Variants in PDE7B observed in about 807,000 individuals in gnomAD.
PDE7B encodes the protein phosphodiesterase 7B, also known as 3',5'-cyclic-AMP phosphodiesterase 7B.
In PDE7B, 29 loss-of-function variants were observed where a neutral mutation model predicts 56.2. The ratio of observed to expected loss-of-function variants is 0.52; its 90% confidence interval spans 0.38 to 0.70. The LOEUF is 0.70. Ranked by LOEUF, PDE7B falls within the 30% of genes least tolerant of loss-of-function variation. The pLI is 0.00. For synonymous variants in PDE7B, 197 were observed against 196.9 expected, an observed-to-expected ratio of 1.00 and a Z score of 0.00; for missense variants, 490 against 565.0, an observed-to-expected ratio of 0.87 and a Z score of 1.35.
In PDE7B at chr6:136,134,402, A is replaced by G. The variant is rs77144561; in HGVS notation, c.167-12949A>G. On this transcript the variant is annotated intron_variant, in intron 3 of 12. Coordinates refer to ENST00000308191, the MANE Select transcript of PDE7B (RefSeq NM_018945.4). ...ATCAACTCAAAGTTTGGTCACTTCA[A>G]TTTGCTCACCACAAACCGTTGCCCT... is the stretch of plus-strand genomic sequence containing the variant. Among the ~76,000 whole-genome samples the G allele has an allele frequency of 5.0e-3, 761 of 152,152 alleles. 11 individuals are homozygous for G. The highest frequency in any genetic ancestry group is 0.017 in the African/African-American group (723 of 41,498).
intron 1 of PDE7B, among the ~76,000 whole-genome samples, chr6:135,937,767 C>A (rs1774446837): frequency 6.6e-6 from 1 of 152,148 alleles, no homozygotes; most frequent in South Asian, 2.1e-4. Context: ...GACCTCTGCT[C>A]TGTAGACCTC....
intron 1 of PDE7B, among the ~76,000 whole-genome samples, chr6:135,859,591 A>G (rs1232588496): frequency 6.6e-6 from 1 of 152,130 alleles, no homozygotes; most frequent in Non-Finnish European, 1.5e-5. Flanking sequence ...TATTAGAAAT[A>G]TAGTTCAATG....
Position 136,042,429 on chromosome 6 carries a change from G to A in PDE7B, c.83-66302G>A, listed in dbSNP as rs75941362. On this transcript the variant is annotated intron_variant, in intron 2 of 12. Coordinates refer to ENST00000308191, the MANE Select transcript of PDE7B (RefSeq NM_018945.4). ...AAATAACCGCAAACTCTGCAACTGG[G>A]AAACTTACCTTTCATTTCGGTGTCT... Among the ~76,000 whole-genome samples the A allele has an allele frequency of 4.9e-3, 745 of 152,310 alleles. 11 individuals are homozygous for A. The highest frequency in any genetic ancestry group is 0.017 in the African/African-American group (720 of 41,556).
chr6:135,880,478 A>T (rs961720235), intron 1 of PDE7B, among the ~76,000 whole-genome samples: 1 of 152,206 alleles, frequency 6.6e-6, no homozygotes, highest in Non-Finnish European at 1.5e-5. Flanking sequence ...GGTAAGTTGT[A>T]TGTGTAGAAC....
chr6:135,936,651 A>C (rs1007684394), intron 1 of PDE7B, among the ~76,000 whole-genome samples: 2 of 152,150 alleles, frequency 1.3e-5, no homozygotes, highest in African/African-American at 4.8e-5. Context: ...CAAGTCAAGG[A>C]ATGATTTTCT....
In PDE7B at chr6:135,938,991, A is replaced by G. The variant is rs557701016; in HGVS notation, c.22-8473A>G. Among the ~76,000 whole-genome samples, 546 of 152,274 alleles carry G rather than the reference A, an allele frequency of 3.6e-3. 1 individual carries two copies. The highest frequency in any genetic ancestry group is 0.02 in the Middle Eastern group (6 of 294). ...GGGGTATGTAATAAAATGCTGAGAG[A>G]CTCTCTGGAGACCGCTGCTGCTGGC... On this transcript the variant is annotated intron_variant, in intron 1 of 12. Coordinates refer to ENST00000308191, the MANE Select transcript of PDE7B (RefSeq NM_018945.4).
At chr6:136,070,282 A>G (rs1777025054) in intron 2 of PDE7B, 1 of 152,196 alleles carries the variant, frequency 6.6e-6, no homozygotes, top group Non-Finnish European at 1.5e-5. Flanking sequence ...TTGAATTCCA[A>G]TTGAACAGGA....
intron 1 of PDE7B, among the ~76,000 whole-genome samples, chr6:135,914,107 C>G (rs1247529386): frequency 6.6e-6 from 1 of 152,190 alleles, no homozygotes; most frequent in Non-Finnish European, 1.5e-5. Flanking sequence ...CTTCTTCCTC[C>G]TCATGCCTCA....
Position 136,195,366 on chromosome 6 carries a change from A to G in PDE7B, c.*3526A>G, listed in dbSNP as rs1439925713. On this transcript the variant is annotated 3_prime_UTR_variant, in exon 13 of 13. Transcript: ENST00000308191. ...TCTGCTTACTTATTTAGGTTTGGTTATGAGCTTGTATCTCACTGTATTTCT... is the reference window on the plus strand; with the variant it reads ...TCTGCTTACTTATTTAGGTTTGGTTGTGAGCTTGTATCTCACTGTATTTCT... 1 of 147,824 alleles carries G rather than the reference A, an allele frequency of 6.8e-6. No homozygotes were observed. The highest frequency in any genetic ancestry group is 1.5e-5 in the Non-Finnish European group (1 of 67,506). 9.2% of individuals were successfully genotyped at this position (147,824 alleles called of 1,614,324 possible).
intron 9 of PDE7B, among the ~76,000 whole-genome samples, chr6:136,177,988 C>T (rs969312488): frequency 3.3e-5 from 5 of 152,094 alleles, no homozygotes; most frequent in Admixed American, 3.3e-4. Flanking sequence ...GAAGGAATTT[C>T]AAAAACATAA....
intron 2 of PDE7B, among the ~76,000 whole-genome samples, chr6:135,987,951 A>C (rs1485034469): frequency 1.3e-5 from 2 of 152,162 alleles, no homozygotes; most frequent in African/African-American, 2.4e-5. Context: ...AGGGAGACAA[A>C]AATATTCAGT....
At chr6:136,045,259 C>T (rs13212385) in intron 2 of PDE7B, among the ~76,000 whole-genome samples, 23,787 of 152,072 alleles carry the variant, frequency 0.16, 2,130 homozygotes, top group African/African-American at 0.23. Flanking sequence ...CTTTATACTT[C>T]ATTTTCCTGT....
chr6:136,090,206 G>A (rs958196074), intron 2 of PDE7B, among the ~76,000 whole-genome samples: 1 of 152,128 alleles, frequency 6.6e-6, no homozygotes, highest in Admixed American at 6.6e-5. Context: ...TCCTTCACGT[G>A]GCTATGAGAA....
At chr6:136,032,946 T>G (rs1173141337) in intron 2 of PDE7B, among the ~76,000 whole-genome samples, 1 of 152,242 alleles carries the variant, frequency 6.6e-6, no homozygotes, top group African/African-American at 2.4e-5. Context: ...CCAGTTTTTG[T>G]AACTCTCAGA....
At chr6:136,010,545 A>C (rs1284014051) in intron 2 of PDE7B, among the ~76,000 whole-genome samples, 1 of 152,040 alleles carries the variant, frequency 6.6e-6, no homozygotes, top group Non-Finnish European at 1.5e-5. Context: ...AGCTGGGATT[A>C]CAAGCACATG....
intron 1 of PDE7B, among the ~76,000 whole-genome samples, chr6:135,927,235 A>G (rs1482216811): frequency 3.3e-5 from 5 of 151,926 alleles, no homozygotes; most frequent in South Asian, 2.1e-4. Flanking sequence ...ATTCTGTCCC[A>G]TTGGTCTATG....
Position 135,934,955 on chromosome 6 carries a change from TA to T in PDE7B, c.22-12508del, listed in dbSNP as rs1288963216. On this transcript the variant is annotated intron_variant, in intron 1 of 12. Transcript: ENST00000308191. Reference sequence around the variant, plus strand: ...TTTAAATATATAATATATATTTATATATAATATATATATTTCTCTATATATT... The same window carrying T: ...TTTAAATATATAATATATATTTATATTAATATATATATTTCTCTATATATT... Among the ~76,000 whole-genome samples, 189 of 50,694 alleles carry T rather than the reference TA, an allele frequency of 3.7e-3. 4 individuals carry two copies. Among genetic ancestry groups the T allele is most frequent in the Non-Finnish European group, 5.2e-3 (129 of 24,846 alleles). 33.3% of individuals were successfully genotyped at this position (50,694 alleles called of 152,430 possible).
intron 1 of PDE7B, among the ~76,000 whole-genome samples, chr6:135,910,199 A>G (rs1323843965): frequency 6.6e-6 from 1 of 152,204 alleles, no homozygotes; most frequent in Non-Finnish European, 1.5e-5. Context: ...AAACTCAAAG[A>G]GTATGAACCT....
At position 136,187,079 on chromosome 6, in the gene PDE7B, TAATC is replaced by T. The variant is rs747395207; in HGVS notation, c.1092_1095del (p.Gln365ArgfsTer13). On this transcript the variant is annotated frameshift_variant, in exon 12 of 13. Transcript: ENST00000308191. LOFTEE classifies it high-confidence loss of function. ...TTGAACTGGAAATCAGTCCTCTTTG[TAATC>T]AACAGAAAGATTCCATCCCTAGTAT... 1 of 1,588,522 alleles carries T rather than the reference TAATC, an allele frequency of 6.3e-7. No individual in the cohort carries two copies. Among genetic ancestry groups the T allele is most frequent in the Non-Finnish European group, 8.6e-7 (1 of 1,157,814 alleles).
Sources: gnomAD v4.1 joint callset for allele counts (sites outside exome capture counted in the v4.1 genomes callset) on GRCh38, gnomAD v4.1.1 for gene constraint, MANE v1.5 for transcripts, NCBI Gene and HGNC (gene_info 2026-07-23, HGNC 2026-07-21) for gene names.